Variants in PTPRD observed in about 807,000 individuals in gnomAD.
PTPRD encodes protein tyrosine phosphatase receptor type D.
In PTPRD, 34 loss-of-function variants were observed where a neutral mutation model predicts 214.5. That is an observed-to-expected ratio of 0.16 (90% CI 0.12 to 0.21). The LOEUF (loss-of-function observed/expected upper bound fraction) is 0.21, where lower values mean the gene tolerates loss of function less well. Ranked by LOEUF, PTPRD falls within the 10% of genes least tolerant of loss-of-function variation. The probability of loss-of-function intolerance (pLI) is 1.00; values close to 1 mark genes in which losing one functional copy is unlikely to be tolerated. For synonymous variants in PTPRD, 1,128 were observed against 845.7 expected (o/e 1.33, Z -5.79); for missense variants, 2,545 against 2,398.7 (o/e 1.06, Z -1.27).
intron 9 of PTPRD, among the ~76,000 whole-genome samples, chr9:9,280,424 A>G (rs544698376): frequency 6.6e-6 from 1 of 151,462 alleles, no homozygotes; most frequent in South Asian, 2.1e-4. Context: ...GTAAGTGATT[A>G]TTGAAAGGTT....
At chr9:9,063,715 G>A (rs1215404595) in intron 10 of PTPRD, among the ~76,000 whole-genome samples, 1 of 152,244 alleles carries the variant, frequency 6.6e-6, no homozygotes, top group East Asian at 1.9e-4. Flanking sequence ...GACTAGATAT[G>A]TTTAAAAGAA....
chr9:8,582,743 G>T (rs919244165), intron 14 of PTPRD, among the ~76,000 whole-genome samples: 1 of 152,146 alleles, frequency 6.6e-6, no homozygotes, highest in Non-Finnish European at 1.5e-5. Flanking sequence ...ACAAATATTG[G>T]CAAGGATATG....
intron 14 of PTPRD, among the ~76,000 whole-genome samples, chr9:8,554,207 A>C (rs7854104): frequency 0.084 from 12,722 of 152,128 alleles, 1,685 homozygotes; most frequent in African/African-American, 0.28. Flanking sequence ...AAAACAAAAC[A>C]AAACCCACAG....
intron 2 of PTPRD, among the ~76,000 whole-genome samples, chr9:10,476,044 C>T (rs2099060469): frequency 6.6e-6 from 1 of 152,004 alleles, no homozygotes; most frequent in Non-Finnish European, 1.5e-5. Flanking sequence ...TGGGGAAAAG[C>T]TGGAAGGATT....
chr9:9,213,712 T>C (rs1333411155), intron 9 of PTPRD, among the ~76,000 whole-genome samples: 1 of 152,172 alleles, frequency 6.6e-6, no homozygotes, highest in Non-Finnish European at 1.5e-5. Flanking sequence ...CACATTCACA[T>C]GAGACACTTT....
At chr9:8,582,785 A>G (rs1472396680) in intron 14 of PTPRD, among the ~76,000 whole-genome samples, 3 of 152,212 alleles carry the variant, frequency 2.0e-5, no homozygotes, top group African/African-American at 7.2e-5. Context: ...ATGCTGGTAG[A>G]AATATAAACT....
intron 8 of PTPRD, among the ~76,000 whole-genome samples, chr9:9,439,337 G>C (rs113375385): frequency 6.6e-6 from 1 of 152,100 alleles, no homozygotes; most frequent in African/African-American, 2.4e-5. Context: ...AAGATACTTT[G>C]ATTTCCAAGG....
In PTPRD at chr9:10,217,786, T is replaced by C. The variant is rs978465124; in HGVS notation, c.-545+123177A>G. Among the ~76,000 whole-genome samples the C allele has an allele frequency of 5.3e-4, 80 of 152,038 alleles. 1 individual carries two copies. Among genetic ancestry groups the C allele is most frequent in the Admixed American group, 4.4e-3 (67 of 15,220 alleles). ...CATTGGGAGTTAACCAACATAGATCTCCATTTAGGAAGGAGATGCAAGGAG... is the reference window on the plus strand; with the variant it reads ...CATTGGGAGTTAACCAACATAGATCCCCATTTAGGAAGGAGATGCAAGGAG... On this transcript the variant is annotated intron_variant, in intron 3 of 45. Transcript: ENST00000381196.
chr9:9,973,045 T>C (rs939320652), intron 4 of PTPRD, among the ~76,000 whole-genome samples: 3 of 152,230 alleles, frequency 2.0e-5, no homozygotes, highest in Non-Finnish European at 2.9e-5. Flanking sequence ...AAAACTGATA[T>C]TGGAAAGTAA....
At chr9:9,221,431 A>G (rs796748747) in intron 9 of PTPRD, among the ~76,000 whole-genome samples, 1 of 152,060 alleles carries the variant, frequency 6.6e-6, no homozygotes, top group Non-Finnish European at 1.5e-5. Context: ...CCACAACATA[A>G]TATCATAGAC....
chr9:8,524,200 G>A (rs2097953976), intron 18 of PTPRD, among the ~76,000 whole-genome samples: 1 of 152,144 alleles, frequency 6.6e-6, no homozygotes. Context: ...ATTACTTCAT[G>A]AGAACATATG....
chr9:9,640,099 C>G (rs1312243320), intron 7 of PTPRD, among the ~76,000 whole-genome samples: 1 of 152,090 alleles, frequency 6.6e-6, no homozygotes, highest in Non-Finnish European at 1.5e-5. Flanking sequence ...ACTTTCAGCC[C>G]ATGTGGGATG....
At chr9:10,364,899 C>A (rs533370801) in intron 2 of PTPRD, among the ~76,000 whole-genome samples, 3 of 152,270 alleles carry the variant, frequency 2.0e-5, no homozygotes, top group Non-Finnish European at 2.9e-5. Flanking sequence ...TAACGCTGTA[C>A]AATGGTAAGA....
At chr9:8,536,507 T>C (rs1170542151) in intron 14 of PTPRD, among the ~76,000 whole-genome samples, 1 of 151,942 alleles carries the variant, frequency 6.6e-6, no homozygotes, top group Non-Finnish European at 1.5e-5. Context: ...TCAGGATTGG[T>C]TCTAGAAGAG....
intron 9 of PTPRD, among the ~76,000 whole-genome samples, chr9:9,387,384 G>A (rs1024120073): frequency 3.3e-5 from 5 of 151,998 alleles, no homozygotes; most frequent in African/African-American, 9.7e-5. Context: ...TTTTAATTAA[G>A]TTATTTCTTT....
intron 8 of PTPRD, among the ~76,000 whole-genome samples, chr9:9,422,403 A>T (rs899524908): frequency 1.3e-5 from 2 of 152,152 alleles, no homozygotes; most frequent in African/African-American, 2.4e-5. Flanking sequence ...CTTGTAGTAG[A>T]CCAATCACCT....
intron 9 of PTPRD, among the ~76,000 whole-genome samples, chr9:9,333,504 T>TTATATATATATATATATATATATATATA (rs3048057): frequency 3.7e-4 from 51 of 137,202 alleles, no homozygotes; most frequent in African/African-American, 1.5e-3. Context: ...ATATAGTATA[T>TTATATATATATATATATATATATATATA]TATATATATA....
chr9:9,462,904 A>T (rs975426575), intron 8 of PTPRD, among the ~76,000 whole-genome samples: 4 of 152,162 alleles, frequency 2.6e-5, no homozygotes, highest in African/African-American at 2.4e-5. Context: ...ACAAAAAATG[A>T]AAGAATCATC....
intron 12 of PTPRD, among the ~76,000 whole-genome samples, chr9:8,653,697 C>G (rs1355644800): frequency 6.6e-6 from 1 of 152,174 alleles, no homozygotes; most frequent in Non-Finnish European, 1.5e-5. Flanking sequence ...CAGCACTGCA[C>G]TGACCTCTCA....
Sources: gnomAD v4.1 joint callset for allele counts (sites outside exome capture counted in the v4.1 genomes callset) on GRCh38, gnomAD v4.1.1 for gene constraint, MANE v1.5 for transcripts, NCBI Gene and HGNC (gene_info 2026-07-23, HGNC 2026-07-21) for gene names.